The following SYNE2 variants were observed in gnomAD, a reference collection of about 807,000 sequenced individuals.
The protein encoded by SYNE2 is nesprin-2.
Under a neutral mutation model 856.3 loss-of-function variants are expected in SYNE2, and 431 were observed. That is an observed-to-expected ratio of 0.50 (90% confidence interval 0.47 to 0.55). The LOEUF (loss-of-function observed/expected upper bound fraction) is 0.55, where lower values mean the gene tolerates loss of function less well. Among genes scored for constraint, SYNE2 ranks in the 20% least tolerant of loss-of-function variants. SYNE2 has a pLI of 0.00. For missense variants in SYNE2, 8,129 were observed against 8,023.2 expected (o/e 1.01, Z -0.50); for synonymous variants, 2,923 against 2,872.3 (o/e 1.02, Z -0.56).
At chr14:64,027,370 A>C (rs1270156271) in intron 42 of SYNE2, 114 bp from the exon 43 acceptor site, 5 of 655,370 alleles carry the variant, frequency 7.6e-6, no homozygotes, top group Non-Finnish European at 1.3e-5. Flanking sequence ...CTCTGGGAAC[A>C]ATGTATATTA....
At chr14:63,953,543 G>GAGATAGATAGATAGATAGAT (rs59456660) in intron 7 of SYNE2, among the ~76,000 whole-genome samples, 38 of 90,496 alleles carry the variant, frequency 4.2e-4, no homozygotes, top group African/African-American at 1.1e-3. Flanking sequence ...GAGAGAGAGA[G>GAGATAGATAGATAGATAGAT]AGATAGATAG....
At chr14:64,119,369 A>G in intron 66 of SYNE2, 58 bp from the exon 67 acceptor site, 1 of 1,600,058 alleles carries the variant, frequency 6.2e-7, no homozygotes, top group Non-Finnish European at 8.6e-7. Context: ...ACTTGTTTGC[A>G]GGCACAATAC....
At chr14:64,114,574 G>A (rs2097840382) in intron 66 of SYNE2, among the ~76,000 whole-genome samples, 1 of 151,638 alleles carries the variant, frequency 6.6e-6, no homozygotes, top group Non-Finnish European at 1.5e-5. Flanking sequence ...AGACAGACAG[G>A]CCAGCCTCCT....
Position 64,175,131 on chromosome 14 carries a change from C to T in SYNE2, c.17423C>T (p.Thr5808Ile), listed in dbSNP as rs139361264. The change falls in exon 95 of 116, where the codon ACT (threonine) becomes ATT (isoleucine). Residue 5808 changes from threonine (T) to isoleucine (I), a missense_variant. Transcript: ENST00000555002. ...GAGATGATTAAGCAGTTCCAGAGCA[C>T]TGTAGAGGTAAACTCACCACTTACT... The part of the protein sequence containing the change: ...LAEMIKQFQS[T>I]VETWDQCEKK... 30 of 1,613,828 alleles carry T rather than the reference C, an allele frequency of 1.9e-5. No individual in the cohort carries two copies. In the African/African-American group the frequency reaches 3.7e-4, roughly 20 times the overall value.
chr14:63,990,265 C>G lies in SYNE2; in HGVS notation c.2314-146C>G, dbSNP rs1348416222. The stretch of plus-strand genomic sequence containing the variant: ...GTATCAATATGAAATTTCAAAATGA[C>G]TCCTTAAAATATCATTTTTCAGAAT... On this transcript the variant is annotated intron_variant, in intron 19 of 115. Coordinates refer to ENST00000555002, the MANE Select transcript of SYNE2 (RefSeq NM_182914.3). 4 of 672,584 alleles carry G rather than the reference C, an allele frequency of 5.9e-6. No homozygotes were observed. In the African/African-American group the frequency reaches 7.3e-5, roughly 12 times the overall value. The allele number at this position is 672,584 out of a possible 1,614,324, so 41.7% of individuals were successfully genotyped here.
At chr14:64,100,562 ATATATATATT>A (rs1317173875) in intron 63 of SYNE2, among the ~76,000 whole-genome samples, 2 of 130,690 alleles carry the variant, frequency 1.5e-5, no homozygotes, top group African/African-American at 5.9e-5. Flanking sequence ...ATATATATAT[ATATATATATT>A]TATGACATGT....
At chr14:63,918,518 T>C (rs1401450567) in intron 2 of SYNE2, among the ~76,000 whole-genome samples, 1 of 152,220 alleles carries the variant, frequency 6.6e-6, no homozygotes, top group Non-Finnish European at 1.5e-5. Flanking sequence ...AGAGATGGAA[T>C]GTCTGAAGTT....
At chr14:64,106,143 C>A (rs976440515) in intron 64 of SYNE2, among the ~76,000 whole-genome samples, 5 of 132,230 alleles carry the variant, frequency 3.8e-5, no homozygotes, top group Non-Finnish European at 7.9e-5. Flanking sequence ...CCCCCCCCCC[C>A]AACCAACACA....
At chr14:63,761,705 T>C (rs1886487965), upstream of SYNE2, among the ~76,000 whole-genome samples, 3 of 152,360 alleles carry the variant, frequency 2.0e-5, no homozygotes, top group South Asian at 6.2e-4. Flanking sequence ...CTTTATGACC[T>C]GCTTCTGGAG....
rs551790862 is a variant in SYNE2, at chr14:63,813,952, G to A, written c.-304-38549G>A. Reference sequence around the variant, plus strand: ...TACCTGTAGTAGTCCCAGCTACTCAGGAGGCTGAGGCAGAAGAATTGCTTG... The same window carrying A: ...TACCTGTAGTAGTCCCAGCTACTCAAGAGGCTGAGGCAGAAGAATTGCTTG... On this transcript the variant is annotated intron_variant, in intron 1 of 23. Transcript: ENST00000674003. Among the ~76,000 whole-genome samples the A allele has an allele frequency of 6.6e-5, 10 of 152,220 alleles. No homozygotes were observed. In the South Asian group the frequency reaches 2.1e-3, roughly 32 times the overall value.
intron 1 of SYNE2, among the ~76,000 whole-genome samples, chr14:63,785,649 G>A (rs1184621812): frequency 6.6e-6 from 1 of 152,148 alleles, no homozygotes; most frequent in Non-Finnish European, 1.5e-5. Context: ...GACAAGTGTG[G>A]ATATCTGTCC....
At chr14:63,920,391 A>G (rs958479677) in intron 2 of SYNE2, among the ~76,000 whole-genome samples, 6 of 151,760 alleles carry the variant, frequency 4.0e-5, no homozygotes. Context: ...TGCGGGCAGG[A>G]GAGGCCAGAA....
At chr14:63,879,619 GT>G (rs1361149701) in intron 1 of SYNE2, among the ~76,000 whole-genome samples, 2 of 152,224 alleles carry the variant, frequency 1.3e-5, no homozygotes, top group South Asian at 2.1e-4. Flanking sequence ...GTGGTAATAT[GT>G]AACTTTAGTA....
intron 2 of SYNE2, among the ~76,000 whole-genome samples, chr14:63,935,338 A>G (rs905687659): frequency 6.6e-6 from 1 of 152,232 alleles, no homozygotes; most frequent in Non-Finnish European, 1.5e-5. Context: ...AATGGAATGG[A>G]TTAAAAAGGA....
chr14:63,907,791 A>G (rs1412511319), intron 1 of SYNE2, among the ~76,000 whole-genome samples: 1 of 152,148 alleles, frequency 6.6e-6, no homozygotes, highest in Non-Finnish European at 1.5e-5. Flanking sequence ...CAGGCTGCCA[A>G]GGCTCATGGT....
chr14:64,045,702 C>T (rs2097181275), intron 45 of SYNE2, among the ~76,000 whole-genome samples: 1 of 152,222 alleles, frequency 6.6e-6, no homozygotes, highest in Non-Finnish European at 1.5e-5. Context: ...CAGTAATTTG[C>T]AGCCTTTTAG....
At chr14:64,181,930 A>T (rs1248876200) in intron 96 of SYNE2, among the ~76,000 whole-genome samples, 1 of 152,172 alleles carries the variant, frequency 6.6e-6, no homozygotes, top group Non-Finnish European at 1.5e-5. Flanking sequence ...TTTTTAAATA[A>T]TTTTTGTATA....
intron 1 of SYNE2, chr14:63,873,746 A>G (rs2094645494): frequency 2.0e-5 from 3 of 152,236 alleles, no homozygotes; most frequent in African/African-American, 7.2e-5. Context: ...CATTAACTAC[A>G]TAAAGCAGGA....
intron 76 of SYNE2, among the ~76,000 whole-genome samples, chr14:64,130,949 A>T (rs2098013464): frequency 6.6e-6 from 1 of 152,040 alleles, no homozygotes; most frequent in Non-Finnish European, 1.5e-5. Flanking sequence ...GTGTGTTATT[A>T]TGTAGTATAA....
Sources: allele counts gnomAD v4.1 joint callset (sites outside exome capture counted in the v4.1 genomes callset), GRCh38; gene constraint gnomAD v4.1.1; transcripts MANE v1.5; gene names NCBI Gene and HGNC (gene_info 2026-07-23, HGNC 2026-07-21).